FSTL5: variants seen among roughly 807,000 people sequenced by gnomAD.
FSTL5 encodes follistatin like 5, also known as follistatin-related protein 5.
Under a neutral mutation model 89.1 loss-of-function variants are expected in FSTL5, and 62 were observed. That is an observed-to-expected ratio of 0.70 (90% CI 0.57 to 0.86). FSTL5 has a LOEUF of 0.86. Ranked by LOEUF, FSTL5 falls within the 40% of genes least tolerant of loss-of-function variation. FSTL5 has a pLI of 0.00. For synonymous variants in FSTL5, 383 were observed against 346.2 expected (o/e 1.11, Z -1.18); for missense variants, 1,057 against 1,001.6 (o/e 1.06, Z -0.75).
intron 15 of FSTL5, among the ~76,000 whole-genome samples, chr4:161,397,338 A>C (rs1731037998): frequency 6.6e-6 from 1 of 152,032 alleles, no homozygotes; most frequent in African/African-American, 2.4e-5. Context: ...TTAACAAGAC[A>C]GAAAATATTG....
At chr4:161,624,851 G>T (rs1023099098) in intron 7 of FSTL5, among the ~76,000 whole-genome samples, 2 of 152,034 alleles carry the variant, frequency 1.3e-5, no homozygotes, top group African/African-American at 4.8e-5. Flanking sequence ...GCTGAATTTG[G>T]ACATATTTGC....
At chr4:162,029,087 G>A (rs1262153515) in intron 3 of FSTL5, among the ~76,000 whole-genome samples, 1 of 151,610 alleles carries the variant, frequency 6.6e-6, no homozygotes, top group East Asian at 1.9e-4. Context: ...GAAAATAAAG[G>A]AGAATCTGAA....
chr4:162,142,732 G>C (rs1445384295), intron 1 of FSTL5, among the ~76,000 whole-genome samples: 1 of 152,116 alleles, frequency 6.6e-6, no homozygotes, highest in Non-Finnish European at 1.5e-5. Flanking sequence ...TTTATGAAAG[G>C]TAAAAGATGA....
intron 4 of FSTL5, among the ~76,000 whole-genome samples, chr4:161,881,581 T>C (rs1305218572): frequency 1.3e-5 from 2 of 152,240 alleles, no homozygotes; most frequent in South Asian, 2.1e-4. Context: ...TGCTGATTGT[T>C]ATTTTTCTCC....
chr4:161,519,408 C>T (rs907672103), intron 10 of FSTL5, among the ~76,000 whole-genome samples: 6 of 152,066 alleles, frequency 3.9e-5, no homozygotes, highest in Non-Finnish European at 8.8e-5. Context: ...CACCTGTAGT[C>T]CCCGCTACTC....
chr4:162,045,563 T>C (rs1337587487), intron 2 of FSTL5, among the ~76,000 whole-genome samples: 1 of 152,070 alleles, frequency 6.6e-6, no homozygotes, highest in African/African-American at 2.4e-5. Context: ...AGAACAGATA[T>C]AATAATAATG....
At chr4:161,415,536 T>C (rs745945358) in intron 15 of FSTL5, among the ~76,000 whole-genome samples, 1 of 152,076 alleles carries the variant, frequency 6.6e-6, no homozygotes, top group Non-Finnish European at 1.5e-5. Context: ...ATTTCAGGCG[T>C]GAGTCACCAC....
At chr4:161,942,654 C>T (rs1734619852) in intron 3 of FSTL5, among the ~76,000 whole-genome samples, 1 of 152,000 alleles carries the variant, frequency 6.6e-6, no homozygotes, top group Admixed American at 6.6e-5. Flanking sequence ...TACTATGAAG[C>T]CAGAATAACT....
intron 15 of FSTL5, among the ~76,000 whole-genome samples, chr4:161,410,961 AAAAT>A (rs1731566679): frequency 6.6e-6 from 1 of 152,014 alleles, no homozygotes. Flanking sequence ...CAAAAAAAAA[AAAAT>A]AAGATTGATA....
At chr4:161,663,600 C>CA (rs547295377) in intron 6 of FSTL5, among the ~76,000 whole-genome samples, 4 of 152,172 alleles carry the variant, frequency 2.6e-5, no homozygotes, top group Non-Finnish European at 4.4e-5. Flanking sequence ...GCCTCCCTCC[C>CA]AGCTGCTTTC....
At chr4:162,058,618 G>A (rs925845806) in intron 2 of FSTL5, among the ~76,000 whole-genome samples, 12 of 151,668 alleles carry the variant, frequency 7.9e-5, no homozygotes, top group South Asian at 6.3e-4. Context: ...TAGTAGAGAC[G>A]GGGTTTCACC....
At chr4:162,115,600 C>A (rs183710288) in intron 1 of FSTL5, among the ~76,000 whole-genome samples, 1 of 151,942 alleles carries the variant, frequency 6.6e-6, no homozygotes, top group African/African-American at 2.4e-5. Flanking sequence ...TTCCTTGTAA[C>A]CTCCATCTTC....
chr4:161,624,423 G>A (rs1735243127), intron 7 of FSTL5, among the ~76,000 whole-genome samples: 1 of 151,782 alleles, frequency 6.6e-6, no homozygotes. Flanking sequence ...ATAATTCAGG[G>A]AATAATTTGA....
chr4:162,065,656 T>C (rs1033205279), intron 2 of FSTL5, among the ~76,000 whole-genome samples: 2 of 151,624 alleles, frequency 1.3e-5, no homozygotes, highest in African/African-American at 4.8e-5. Flanking sequence ...GTGTGAAGAT[T>C]CCTCAGTAAA....
intron 4 of FSTL5, among the ~76,000 whole-genome samples, chr4:161,852,634 T>A (rs62329205): frequency 0.15 from 22,735 of 152,146 alleles, 1,875 homozygotes; most frequent in Non-Finnish European, 0.19. Context: ...AGAATATAAA[T>A]CATTCTATTA....
chr4:161,506,417 A>AT (rs1451847022), intron 11 of FSTL5, among the ~76,000 whole-genome samples: 2 of 152,032 alleles, frequency 1.3e-5, no homozygotes, highest in South Asian at 2.1e-4. Context: ...TGAAGTAGTA[A>AT]TTTTTTTAAT....
chr4:161,507,150 A>T, intron 11 of FSTL5, among the ~76,000 whole-genome samples: 1 of 151,834 alleles, frequency 6.6e-6, no homozygotes, highest in East Asian at 1.9e-4. Context: ...GGAGATTGAA[A>T]CTAGCATATG....
chr4:162,038,740 A>C (rs1437220834), intron 2 of FSTL5, among the ~76,000 whole-genome samples: 1 of 151,898 alleles, frequency 6.6e-6, no homozygotes, highest in East Asian at 1.9e-4. Context: ...CTGAAGAAAC[A>C]CTAAAAATTT....
chr4:161,696,148 T>C (rs191552917), intron 6 of FSTL5, among the ~76,000 whole-genome samples: 1 of 152,326 alleles, frequency 6.6e-6, no homozygotes, highest in East Asian at 1.9e-4. Flanking sequence ...AGGTGAATGA[T>C]GAGGATCCAG....
Sources: gnomAD v4.1 joint callset for allele counts (sites outside exome capture counted in the v4.1 genomes callset) on GRCh38, gnomAD v4.1.1 for gene constraint, MANE v1.5 for transcripts, NCBI Gene and HGNC (gene_info 2026-07-23, HGNC 2026-07-21) for gene names.